Variants in ADRA1A observed in about 807,000 individuals in gnomAD.
ADRA1A encodes the protein adrenoceptor alpha 1A.
ADRA1A carries 31 observed loss-of-function variants against 29.6 expected under a neutral mutation model. The ratio of observed to expected loss-of-function variants is 1.05; its 90% CI spans 0.79 to 1.41. ADRA1A has a LOEUF of 1.41. Ranked by LOEUF, ADRA1A falls within the 40% of genes most tolerant of loss-of-function variation. The pLI is 0.00. For missense variants in ADRA1A, 619 were observed against 601.1 expected (o/e 1.03, Z -0.31); for synonymous variants, 311 against 254.3 (o/e 1.22, Z -2.12).
Position 26,768,819 on chromosome 8 carries a change from T to G in ADRA1A, c.*1330A>C. 2.5e-6 allele frequency: 2 copies of G among 815,406 alleles called. No individual in the cohort carries two copies. Among genetic ancestry groups the G allele is most frequent in the Non-Finnish European group, 3.0e-6 (2 of 675,318 alleles). The allele number at this position is 815,406 out of a possible 1,614,324, so 50.5% of individuals were successfully genotyped here. On this transcript the variant is annotated 3_prime_UTR_variant, in exon 3 of 3. Transcript: ENST00000380573. ...GAGATACACAAGTTCTGTACTGAGT[T>G]ATTATGGTTTACCAAAATTTGGTAT... is the stretch of plus-strand genomic sequence containing the variant.
At chr8:26,754,674 G>T (rs1352474544), downstream of ADRA1A, among the ~76,000 whole-genome samples, 1 of 152,102 alleles carries the variant, frequency 6.6e-6, no homozygotes, top group Non-Finnish European at 1.5e-5. Flanking sequence ...TGGTTAAATG[G>T]CGTCAGCTTT....
At chr8:26,818,580 C>T (rs906720336) in intron 2 of ADRA1A, among the ~76,000 whole-genome samples, 9 of 151,946 alleles carry the variant, frequency 5.9e-5, no homozygotes, top group African/African-American at 1.2e-4. Flanking sequence ...TTTCCTAGTT[C>T]GTTTTATATG....
Position 26,864,313 on chromosome 8 carries a change from C to G in ADRA1A, c.657G>C (p.Lys219Asn), listed in dbSNP as rs770330974. Reference protein sequence around the residue: ...VVAKRESRGLKSGLKTDKSDS... With the variant: ...VVAKRESRGLNSGLKTDKSDS... ...CCGACTTGTCGGTCTTGAGGCCAGA[C>G]TTGAGGCCCCGGCTCTCCCTCTTGG... The change falls in exon 2 of 3, where the codon AAG (lysine) becomes AAC (asparagine). Residue 219 changes from lysine to asparagine, a missense_variant. By Grantham distance (94) the Lys-to-Asn change is moderately conservative (BLOSUM62 0). Transcript: ENST00000380573. The surrounding 1 kb of genome is among the most constrained non-coding windows in gnomAD (Gnocchi z 8.1). 6.2e-6 allele frequency: 10 copies of G among 1,614,110 alleles called. No homozygotes were observed. In the South Asian group the frequency reaches 1.1e-4, roughly 18 times the overall value.
intron 2 of ADRA1A, among the ~76,000 whole-genome samples, chr8:26,757,797 G>A (rs1805272822): frequency 6.6e-6 from 1 of 152,056 alleles, no homozygotes; most frequent in Non-Finnish European, 1.5e-5. Context: ...TTCAAATGCT[G>A]TACTGTCTTC....
chr8:26,780,261 TTTA>T (rs1806865200), intron 2 of ADRA1A, among the ~76,000 whole-genome samples: 1 of 152,122 alleles, frequency 6.6e-6, no homozygotes, highest in Non-Finnish European at 1.5e-5. Flanking sequence ...TGCAAAGGTG[TTTA>T]CCTTCTATGA....
chr8:26,864,888 G>C lies in ADRA1A; in HGVS notation c.82C>G (p.Leu28Val). 6.2e-7 allele frequency: 1 copy of C among 1,614,050 alleles called. No individual in the cohort carries two copies. The highest frequency in any genetic ancestry group is 8.5e-7 in the Non-Finnish European group (1 of 1,180,026). ...PAPVNISKAILLGVILGGLIL... is the reference protein window; with the variant it reads ...PAPVNISKAIVLGVILGGLIL... ...AGGCCCCCCAAGATCACCCCGAGCA[G>C]AATGGCCTTGGAAATGTTCACCGGT... The change falls in exon 2 of 3, where the codon CTG (leucine) becomes GTG (valine). Residue 28 changes from leucine to valine, a missense_variant. Coordinates refer to ENST00000380573, the MANE Select transcript of ADRA1A (RefSeq NM_000680.4). This position sits in a 1 kb window ranked among gnomAD's most constrained non-coding sequence, Gnocchi z 8.1.
chr8:26,799,702 T>G (rs551861105), intron 2 of ADRA1A, among the ~76,000 whole-genome samples: 1 of 152,202 alleles, frequency 6.6e-6, no homozygotes. Context: ...CAATGTGTCA[T>G]GTATGACATC....
downstream of ADRA1A, among the ~76,000 whole-genome samples, chr8:26,766,529 C>A (rs570956238): frequency 1.3e-5 from 2 of 152,262 alleles, no homozygotes; most frequent in African/African-American, 4.8e-5. Flanking sequence ...GGAGATTTGG[C>A]AGCATGTTTG....
chr8:26,809,833 G>T (rs987179507), intron 2 of ADRA1A, among the ~76,000 whole-genome samples: 1 of 152,118 alleles, frequency 6.6e-6, no homozygotes, highest in Non-Finnish European at 1.5e-5. Context: ...AAGATAAAAG[G>T]GTTACAATCA....
At position 26,805,063 on chromosome 8, in the gene ADRA1A, TAA is replaced by T. The variant is rs534462222; in HGVS notation, c.884-34399_884-34398del. Reference sequence around the variant, plus strand: ...GTTTCATAGACATTATTTCTGGAGATAAAGAGTATGGCTCTGAATTTTGTTTC... The same window carrying T: ...GTTTCATAGACATTATTTCTGGAGATAGAGTATGGCTCTGAATTTTGTTTC... On this transcript the variant is annotated intron_variant, in intron 2 of 2. Coordinates refer to ENST00000380573, the MANE Select transcript of ADRA1A (RefSeq NM_000680.4). The surrounding 1 kb of genome is among the most constrained non-coding windows in gnomAD (Gnocchi z 4.8). Among the ~76,000 whole-genome samples, 167 of 152,316 alleles carry T rather than the reference TAA, an allele frequency of 1.1e-3. 2 individuals carry two copies. Among genetic ancestry groups the T allele is most frequent in the African/African-American group, 3.9e-3 (164 of 41,576 alleles).
At chr8:26,837,887 T>C (rs1304026739) in intron 2 of ADRA1A, among the ~76,000 whole-genome samples, 3 of 152,226 alleles carry the variant, frequency 2.0e-5, no homozygotes, top group Non-Finnish European at 4.4e-5. Context: ...CTGCCTTTGA[T>C]TCCTATCTCA....
chr8:26,837,855 G>A (rs2130683015), intron 2 of ADRA1A, among the ~76,000 whole-genome samples: 1 of 152,308 alleles, frequency 6.6e-6, no homozygotes, highest in African/African-American at 2.4e-5. Context: ...TCCCATGTAT[G>A]CTCAGAATGT....
intron 2 of ADRA1A, among the ~76,000 whole-genome samples, chr8:26,820,435 G>A (rs1380190802): frequency 1.3e-5 from 2 of 151,976 alleles, no homozygotes; most frequent in African/African-American, 4.8e-5. Flanking sequence ...AATAGTGCTG[G>A]AAAAAAAGTG....
intron 2 of ADRA1A, chr8:26,757,185 G>A (rs1471685556): frequency 1.5e-6 from 1 of 656,928 alleles, no homozygotes; most frequent in East Asian, 3.0e-5. Flanking sequence ...ATCCCCGAAA[G>A]TGACTTTTTT....
rs1281227841 is a variant in ADRA1A, at chr8:26,823,227, C to T, written c.883+40860G>A. On this transcript the variant is annotated intron_variant, in intron 2 of 2. Coordinates refer to ENST00000380573, the MANE Select transcript of ADRA1A (RefSeq NM_000680.4). This position sits in a 1 kb window ranked among gnomAD's most constrained non-coding sequence, Gnocchi z 4.2. ...GTGGCTAGCCTTTCTGCAAAGTGTGCTCTTGTCTGTGACACATGCTTCTTT... is the reference window on the plus strand; with the variant it reads ...GTGGCTAGCCTTTCTGCAAAGTGTGTTCTTGTCTGTGACACATGCTTCTTT... 6.6e-6 allele frequency among the ~76,000 whole-genome samples: 1 copy of T among 152,116 alleles called. No homozygotes were observed. The highest frequency in any genetic ancestry group is 2.4e-5 in the African/African-American group (1 of 41,428).
rs1010036823 is a variant in ADRA1A at position 26,806,531 on chromosome 8, G to C, written c.884-35865C>G. Among the ~76,000 whole-genome samples, 1 of 152,178 alleles carries C rather than the reference G, an allele frequency of 6.6e-6. No individual in the cohort carries two copies. The highest frequency in any genetic ancestry group is 6.5e-5 in the Admixed American group (1 of 15,276). On this transcript the variant is annotated intron_variant, in intron 2 of 2. Transcript: ENST00000380573. The surrounding 1 kb of genome is among the most constrained non-coding windows in gnomAD (Gnocchi z 4.6). ...CAGTGTCCAGACTCCTCTCCAGATG[G>C]TGTGGGAATCCAGATAGCAACTCAT...
intron 2 of ADRA1A, among the ~76,000 whole-genome samples, chr8:26,849,698 A>G (rs1812469236): frequency 6.6e-6 from 1 of 152,228 alleles, no homozygotes; most frequent in African/African-American, 2.4e-5. Flanking sequence ...AGAAAAAGAG[A>G]AAAAGTACTG....
chr8:26,826,038 C>T (rs1258430792), intron 2 of ADRA1A, among the ~76,000 whole-genome samples: 1 of 152,200 alleles, frequency 6.6e-6, no homozygotes, highest in Non-Finnish European at 1.5e-5. Context: ...AGTTCATTTT[C>T]GTCATGGAGA....
At chr8:26,768,301 A>G (rs1805900774), downstream of ADRA1A, among the ~76,000 whole-genome samples, 1 of 152,206 alleles carries the variant, frequency 6.6e-6, no homozygotes. Context: ...TTGTTAGAGG[A>G]AATTACCCTA....
Sources: allele counts gnomAD v4.1 joint callset (sites outside exome capture counted in the v4.1 genomes callset), GRCh38; gene constraint gnomAD v4.1.1; non-coding constraint Gnocchi (gnomAD v3.1); transcripts MANE v1.5; gene names NCBI Gene and HGNC (gene_info 2026-07-23, HGNC 2026-07-21).